DPYD: variants seen among roughly 807,000 people sequenced by gnomAD.
DPYD encodes the protein dihydropyrimidine dehydrogenase.
Under a neutral mutation model 116.2 loss-of-function variants are expected in DPYD, and 109 were observed. That is an observed-to-expected ratio of 0.94 (90% CI 0.80 to 1.10). The LOEUF (loss-of-function observed/expected upper bound fraction) is 1.10. Among genes scored for constraint, DPYD ranks in the 50% least tolerant of loss-of-function variants. The probability of loss-of-function intolerance (pLI) is 0.00; values close to 1 mark genes in which losing one functional copy is unlikely to be tolerated. For missense variants in DPYD, 1,302 were observed against 1,254.5 expected, an observed-to-expected ratio of 1.04 and a Z score of -0.57; for synonymous variants, 440 against 432.0, an observed-to-expected ratio of 1.02 and a Z score of -0.23.
intron 8 of DPYD, among the ~76,000 whole-genome samples, chr1:97,613,533 T>G (rs1454176073): frequency 1.3e-5 from 2 of 152,052 alleles, no homozygotes; most frequent in Non-Finnish European, 2.9e-5. Context: ...TGGGGCATAC[T>G]GAGTGTGCTG....
At chr1:97,410,751 T>A (rs1295781698) in intron 14 of DPYD, among the ~76,000 whole-genome samples, 1 of 152,148 alleles carries the variant, frequency 6.6e-6, no homozygotes, top group African/African-American at 2.4e-5. Flanking sequence ...ATAAATATTT[T>A]AAAATTATTT....
intron 14 of DPYD, among the ~76,000 whole-genome samples, chr1:97,398,360 G>A (rs1673137704): frequency 6.6e-6 from 1 of 152,078 alleles, no homozygotes; most frequent in Admixed American, 6.6e-5. Flanking sequence ...TGGACATTTG[G>A]GTTGGTTCCA....
At chr1:97,760,172 G>C (rs767143985) in intron 3 of DPYD, among the ~76,000 whole-genome samples, 2 of 152,120 alleles carry the variant, frequency 1.3e-5, no homozygotes, top group African/African-American at 4.8e-5. Context: ...AGATACCTGA[G>C]AGAGGGTAGC....
chr1:97,650,821 C>T (rs2100841099), intron 8 of DPYD, among the ~76,000 whole-genome samples: 1 of 151,982 alleles, frequency 6.6e-6, no homozygotes, highest in East Asian at 1.9e-4. Context: ...TTATCTGTTT[C>T]CACAGTGAAT....
intron 12 of DPYD, among the ~76,000 whole-genome samples, chr1:97,540,489 G>A (rs914136869): frequency 6.6e-6 from 1 of 152,094 alleles, no homozygotes; most frequent in African/African-American, 2.4e-5. Flanking sequence ...GTCTGAAAGG[G>A]CCCCCAGAGC....
chr1:97,709,543 C>A (rs1055018668), intron 5 of DPYD, among the ~76,000 whole-genome samples: 1 of 151,616 alleles, frequency 6.6e-6, no homozygotes, highest in South Asian at 2.1e-4. Context: ...TGTATTTCAC[C>A]ACTCCAAATT....
chr1:97,892,227 A>C (rs1245707281), intron 1 of DPYD, among the ~76,000 whole-genome samples: 2 of 151,868 alleles, frequency 1.3e-5, no homozygotes, highest in Non-Finnish European at 2.9e-5. Flanking sequence ...AGAAATATCT[A>C]TTGATTAATG....
intron 16 of DPYD, among the ~76,000 whole-genome samples, chr1:97,350,233 T>C (rs922819640): frequency 2.0e-5 from 3 of 152,128 alleles, no homozygotes; most frequent in African/African-American, 7.2e-5. Flanking sequence ...GGCTGGGATA[T>C]AGCTGGTAAG....
At chr1:97,799,968 T>C (rs983903990) in intron 3 of DPYD, among the ~76,000 whole-genome samples, 3 of 151,964 alleles carry the variant, frequency 2.0e-5, no homozygotes, top group Non-Finnish European at 4.4e-5. Flanking sequence ...CCATTAGTAG[T>C]GATATTTATG....
At position 97,691,810 on chromosome 1, in the gene DPYD, G is replaced by A; in HGVS notation, c.681-12C>T. ...GAATTTCAGAAGTACTGAAAAGAAA[G>A]GAGAAAGAAAAACAGGCATCAGTAG... On this transcript the variant is annotated splice_polypyrimidine_tract_variant and intron_variant, in intron 6 of 22. Coordinates refer to ENST00000370192, the MANE Select transcript of DPYD (RefSeq NM_000110.4). 1 of 1,612,136 alleles carries A rather than the reference G, an allele frequency of 6.2e-7. No homozygotes were observed.
intron 12 of DPYD, among the ~76,000 whole-genome samples, chr1:97,526,211 T>C (rs1278533515): frequency 6.6e-6 from 1 of 152,176 alleles, no homozygotes; most frequent in East Asian, 1.9e-4. Flanking sequence ...ATGAAACTCA[T>C]GCAGAAATGC....
chr1:97,186,238 G>GT (rs539298754), intron 20 of DPYD, among the ~76,000 whole-genome samples: 14 of 152,010 alleles, frequency 9.2e-5, no homozygotes, highest in African/African-American at 2.7e-4. Context: ...TGTTATTTCA[G>GT]TTTTTTTTAT....
chr1:97,491,030 G>A (rs966795947), intron 13 of DPYD, among the ~76,000 whole-genome samples: 2 of 149,206 alleles, frequency 1.3e-5, no homozygotes, highest in African/African-American at 2.4e-5. Flanking sequence ...ATTTGCAATT[G>A]TATTTCCATC....
intron 3 of DPYD, among the ~76,000 whole-genome samples, chr1:97,791,794 G>A (rs1276482079): frequency 6.6e-6 from 1 of 152,042 alleles, no homozygotes; most frequent in Non-Finnish European, 1.5e-5. Context: ...ACTAAAATTT[G>A]TGCACTCAAA....
intron 20 of DPYD, among the ~76,000 whole-genome samples, chr1:97,162,385 T>C (rs1025860275): frequency 1.4e-4 from 21 of 152,040 alleles, no homozygotes; most frequent in African/African-American, 5.1e-4. Flanking sequence ...TCACAATTGC[T>C]TCAAAGAGAA....
intron 18 of DPYD, among the ~76,000 whole-genome samples, chr1:97,282,121 G>A (rs1665361336): frequency 6.6e-6 from 1 of 152,056 alleles, no homozygotes; most frequent in Admixed American, 6.6e-5. Flanking sequence ...GAGGGATGTT[G>A]TAAGAGAAAA....
chr1:97,640,236 T>A (rs963084451), intron 8 of DPYD, among the ~76,000 whole-genome samples: 106 of 152,124 alleles, frequency 7.0e-4, no homozygotes, highest in African/African-American at 2.5e-3. Flanking sequence ...ATTGTTGCAT[T>A]TAAGATTTTT....
intron 20 of DPYD, among the ~76,000 whole-genome samples, chr1:97,147,760 T>C (rs931998358): frequency 1.3e-5 from 2 of 152,190 alleles, no homozygotes; most frequent in African/African-American, 4.8e-5. Flanking sequence ...TCCATCTTAT[T>C]TTCATGTTAA....
intron 5 of DPYD, among the ~76,000 whole-genome samples, chr1:97,712,167 GTC>G (rs199677317): frequency 0.016 from 2,458 of 152,068 alleles, 81 homozygotes; most frequent in Admixed American, 0.089. Flanking sequence ...GCCAATCTCT[GTC>G]TCTCTACTTT....
Sources: gnomAD v4.1 joint callset for allele counts (sites outside exome capture counted in the v4.1 genomes callset) on GRCh38, gnomAD v4.1.1 for gene constraint, MANE v1.5 for transcripts, NCBI Gene and HGNC (gene_info 2026-07-23, HGNC 2026-07-21) for gene names.